The following MYO10 variants were observed in gnomAD, a reference collection of about 807,000 sequenced individuals.
MYO10 encodes the protein myosin X.
In MYO10, 133 loss-of-function variants were observed where a neutral mutation model predicts 257.3. The observed-to-expected ratio is 0.52, with a 90% CI of 0.45 to 0.60. The LOEUF is 0.60. Among genes scored for constraint, MYO10 ranks in the 20% least tolerant of loss-of-function variants. MYO10 has a pLI of 0.00. For missense variants in MYO10, 2,399 were observed against 2,635.7 expected, an observed-to-expected ratio of 0.91 and a Z score of 1.97; for synonymous variants, 1,104 against 1,028.6, an observed-to-expected ratio of 1.07 and a Z score of -1.40.
intron 3 of MYO10, chr5:16,814,815 G>A (rs1478304159): frequency 6.6e-6 from 1 of 151,900 alleles, no homozygotes; most frequent in Non-Finnish European, 1.5e-5. Context: ...AAAATCCTAC[G>A]GGTTTCCCCT....
At chr5:16,915,417 G>A (rs909041191) in intron 1 of MYO10, among the ~76,000 whole-genome samples, 1 of 152,134 alleles carries the variant, frequency 6.6e-6, no homozygotes, top group Admixed American at 6.5e-5. Context: ...ATTTTTAAGG[G>A]TTTATAGATA....
rs572521190 is a variant in MYO10 at position 16,701,593 on chromosome 5, C to T, written c.2802G>A (p.Ala934=). Residue 934 remains alanine (A), a synonymous_variant, in exon 25 of 41, where the codon GCG becomes GCA. Transcript: ENST00000513610. The surrounding 1 kb of genome is among the most constrained non-coding windows in gnomAD (Gnocchi z 8.1). ...CGAGGAACTCCTGGGCCGCCCTGCA[C>T]GCTTCCTCCTCCAGCCTGCGGAGCT... The part of the protein sequence containing the change: ...DQELRRLEEE[A]CRAAQEFLES... The T allele has an allele frequency of 1.8e-5, 29 of 1,613,516 alleles. No individual in the cohort carries two copies. Among genetic ancestry groups the T allele is most frequent in the Middle Eastern group, 1.6e-4 (1 of 6,084 alleles).
chr5:16,832,592 G>A (rs1287011066), intron 2 of MYO10, among the ~76,000 whole-genome samples: 1 of 152,132 alleles, frequency 6.6e-6, no homozygotes, highest in Non-Finnish European at 1.5e-5. Context: ...AACTACTGGT[G>A]GATGAGCTCT....
At chr5:16,805,524 G>A (rs1742251482) in intron 3 of MYO10, among the ~76,000 whole-genome samples, 1 of 150,136 alleles carries the variant, frequency 6.7e-6, no homozygotes, top group Admixed American at 6.7e-5. Flanking sequence ...GACAACATTT[G>A]CCATGGGCTC....
intron 1 of MYO10, among the ~76,000 whole-genome samples, chr5:16,934,251 A>G (rs1301375338): frequency 2.0e-5 from 3 of 152,230 alleles, no homozygotes; most frequent in Admixed American, 1.3e-4. Flanking sequence ...AGTTCTCCCC[A>G]AGGGGGAGCC....
intron 32 of MYO10, 140 bp downstream of exon 32, chr5:16,681,169 A>C: frequency 1.1e-6 from 1 of 878,316 alleles, no homozygotes; most frequent in Non-Finnish European, 1.7e-6. Flanking sequence ...AACCCCAGAC[A>C]GGCTTAGAAG....
At chr5:16,920,192 T>G (rs1232901082) in intron 1 of MYO10, among the ~76,000 whole-genome samples, 1 of 152,110 alleles carries the variant, frequency 6.6e-6, no homozygotes, top group Non-Finnish European at 1.5e-5. Flanking sequence ...GAGAATCACT[T>G]GAACCCGGGA....
rs200836233 is a variant in MYO10 at position 16,701,659 on chromosome 5, G to A, written c.2736C>T (p.Thr912=). The A allele has an allele frequency of 5.5e-5, 89 of 1,613,802 alleles. No homozygotes were observed. The highest frequency in any genetic ancestry group is 1.7e-4 in the Middle Eastern group (1 of 6,060). Residue 912 remains threonine, a synonymous_variant, in exon 25 of 41, where the codon ACC becomes ACT. Coordinates refer to ENST00000513610, the MANE Select transcript of MYO10 (RefSeq NM_012334.3). The surrounding 1 kb of genome is among the most constrained non-coding windows in gnomAD (Gnocchi z 8.1). ...RMKEQQELSL[T]EASLQKLQER... is the part of the protein sequence containing the mutation. ...CCTGCAGCTTCTGCAGGGAAGCCTC[G>A]GTCAGCGACAGCTCCTGCTGCTCCT...
At chr5:16,842,576 C>A (rs371324440) in intron 2 of MYO10, among the ~76,000 whole-genome samples, 1 of 152,142 alleles carries the variant, frequency 6.6e-6, no homozygotes, top group Admixed American at 6.5e-5. Flanking sequence ...GGTAAGAATA[C>A]TTCCCCCTTC....
chr5:16,670,383 G>T (rs374030563), intron 39 of MYO10, 143 bp downstream of exon 39: 2 of 637,128 alleles, frequency 3.1e-6, no homozygotes, highest in Non-Finnish European at 2.7e-6. Flanking sequence ...AGGCGTTAAT[G>T]GTACAATTCT....
chr5:16,740,383 G>C (rs1013959492), intron 19 of MYO10, among the ~76,000 whole-genome samples: 1 of 152,130 alleles, frequency 6.6e-6, no homozygotes, highest in African/African-American at 2.4e-5. Context: ...GCATGAGCTA[G>C]ACGGACAGGG....
chr5:16,781,407 TA>T (rs1313259649), intron 6 of MYO10, among the ~76,000 whole-genome samples: 2 of 152,058 alleles, frequency 1.3e-5, no homozygotes, highest in African/African-American at 4.8e-5. Context: ...AAAATTATTT[TA>T]TTTTTTTAAG....
chr5:16,717,961 CG>C (rs1286776218), intron 19 of MYO10, among the ~76,000 whole-genome samples: 8 of 152,160 alleles, frequency 5.3e-5, no homozygotes, highest in Admixed American at 1.3e-4. Context: ...GGGAGAGGCA[CG>C]AGCGGGAACC....
Position 16,685,729 on chromosome 5 carries a change from C to A in MYO10, c.3990+9G>T. The A allele has an allele frequency of 6.5e-7, 1 of 1,527,584 alleles. No individual in the cohort carries two copies. Among genetic ancestry groups the A allele is most frequent in the Non-Finnish European group, 8.9e-7 (1 of 1,123,746 alleles). The allele number at this position is 1,527,584 out of a possible 1,614,324, so 94.6% of individuals were successfully genotyped here. ...CGCCCCACCCCCATCCCACACAGTG[C>A]TCCCGTACCACAGCATTCTGTGGGT... On this transcript the variant is annotated intron_variant, in intron 29 of 40. Transcript: ENST00000513610.
intron 2 of MYO10, among the ~76,000 whole-genome samples, chr5:16,860,284 C>G (rs1460637966): frequency 6.6e-6 from 1 of 152,070 alleles, no homozygotes; most frequent in Non-Finnish European, 1.5e-5. Context: ...GGAAGTAGCT[C>G]GACTGGAAGT....
chr5:16,836,578 T>C (rs1376958146), intron 2 of MYO10, among the ~76,000 whole-genome samples: 4 of 152,192 alleles, frequency 2.6e-5, no homozygotes, highest in Non-Finnish European at 5.9e-5. Context: ...GCCCCCACCT[T>C]GCGGATATCT....
intron 1 of MYO10, among the ~76,000 whole-genome samples, chr5:16,930,792 G>C (rs1322464663): frequency 6.6e-6 from 1 of 152,186 alleles, no homozygotes; most frequent in Non-Finnish European, 1.5e-5. Flanking sequence ...AGATCCCATC[G>C]GAGGGAGCCA....
At chr5:16,843,524 T>G (rs923095329) in intron 2 of MYO10, among the ~76,000 whole-genome samples, 1 of 152,062 alleles carries the variant, frequency 6.6e-6, no homozygotes, top group Non-Finnish European at 1.5e-5. Context: ...GGGCTAGGAG[T>G]CTAGCATCCA....
rs958253357 is a variant in MYO10 at position 16,867,974 on chromosome 5, G to A, written c.120+9635C>T. ...AGACAATTCAAACAGAATACCAAAC[G>A]GAATCCCTGCACAGAGTAATCGCCT... On this transcript the variant is annotated intron_variant, in intron 2 of 40. Coordinates refer to ENST00000513610, the MANE Select transcript of MYO10 (RefSeq NM_012334.3). Among the ~76,000 whole-genome samples the A allele has an allele frequency of 1.8e-4, 28 of 152,200 alleles. 1 individual carries two copies. Among genetic ancestry groups the A allele is most frequent in the South Asian group, 1.0e-3 (5 of 4,814 alleles).
Sources: gnomAD v4.1 joint callset for allele counts (sites outside exome capture counted in the v4.1 genomes callset) on GRCh38, gnomAD v4.1.1 for gene constraint, Gnocchi (gnomAD v3.1) non-coding constraint, MANE v1.5 for transcripts, NCBI Gene and HGNC (gene_info 2026-07-23, HGNC 2026-07-21) for gene names.